The following PAAF1 variants were observed in gnomAD, a reference collection of about 807,000 sequenced individuals.
PAAF1 encodes the protein proteasomal ATPase associated factor 1.
A neutral mutation model predicts 52.8 loss-of-function variants in PAAF1; 46 were observed. The ratio of observed to expected loss-of-function variants is 0.87; its 90% CI spans 0.69 to 1.11. The LOEUF (loss-of-function observed/expected upper bound fraction) is 1.11. Ranked by LOEUF, PAAF1 falls within the 50% of genes most tolerant of loss-of-function variation. The pLI is 0.00. For synonymous variants in PAAF1, 178 were observed against 172.8 expected (o/e 1.03, Z -0.24); for missense variants, 424 against 477.4 (o/e 0.89, Z 1.04).
intron 7 of PAAF1, among the ~76,000 whole-genome samples, chr11:73,910,989 CAAAA>C (rs59523527): frequency 1.4e-5 from 1 of 69,484 alleles, no homozygotes; most frequent in Non-Finnish European, 3.0e-5. Context: ...GACTCTGTCT[CAAAA>C]AAAAAAAAAA....
chr11:73,906,883 G>T (rs1045923709), intron 6 of PAAF1, among the ~76,000 whole-genome samples: 11 of 152,190 alleles, frequency 7.2e-5, no homozygotes, highest in African/African-American at 1.7e-4. Flanking sequence ...TGTGACTTTT[G>T]GTCAGTTACT....
chr11:73,887,430 A>G lies in PAAF1; in HGVS notation c.165A>G (p.Glu55=), dbSNP rs749181405. ...GCATCCCAGAGGTTACAGCTTCAGA[A>G]GGATTTACTGTGAATGAAATAAACA... is the stretch of plus-strand genomic sequence containing the variant. The part of the protein sequence containing the change: ...LDGIPEVTAS[E]GFTVNEINKK... The change falls in exon 3 of 12, where the codon GAA becomes GAG. Residue 55 remains glutamate (E), a synonymous_variant. Transcript: ENST00000310571. The G allele has an allele frequency of 3.1e-6, 5 of 1,608,884 alleles. No individual in the cohort carries two copies. The highest frequency in any genetic ancestry group is 4.2e-6 in the Non-Finnish European group (5 of 1,178,424).
In PAAF1 at chr11:73,922,952, A is replaced by G. The variant is rs115766317; in HGVS notation, c.1019-1663A>G. Among the ~76,000 whole-genome samples the G allele has an allele frequency of 1.9e-3, 295 of 152,332 alleles. 1 individual carries two copies. The highest frequency in any genetic ancestry group is 6.9e-3 in the African/African-American group (286 of 41,584). ...CAAAATTTTTTGATGCAAATTGCCA[A>G]ACATATCTAAAAGTAGACAGAATGG... On this transcript the variant is annotated intron_variant, in intron 10 of 11. Coordinates refer to ENST00000310571, the MANE Select transcript of PAAF1 (RefSeq NM_025155.3).
chr11:73,884,265 T>A (rs1948998478), intron 2 of PAAF1, among the ~76,000 whole-genome samples: 1 of 152,054 alleles, frequency 6.6e-6, no homozygotes, highest in Non-Finnish European at 1.5e-5. Flanking sequence ...TTTGGGAGGC[T>A]GAGGCAGAAG....
chr11:73,896,444 G>T (rs979300292), intron 4 of PAAF1, among the ~76,000 whole-genome samples: 4 of 150,870 alleles, frequency 2.7e-5, no homozygotes, highest in Non-Finnish European at 1.5e-5. Context: ...AGGACCCTGC[G>T]GCCTTCCGCA....
chr11:73,888,771 G>A (rs1242452510), intron 3 of PAAF1: 1 of 286,676 alleles, frequency 3.5e-6, no homozygotes, highest in East Asian at 5.9e-5. Context: ...CTAAGTCTTA[G>A]TTAACTCTGA....
chr11:73,884,617 C>G (rs1382767587), intron 2 of PAAF1, among the ~76,000 whole-genome samples: 2 of 152,176 alleles, frequency 1.3e-5, no homozygotes, highest in African/African-American at 4.8e-5. Context: ...AATAGGGAAT[C>G]ATGGAGTGGG....
chr11:73,897,263 G>C (rs1466710519), intron 4 of PAAF1, among the ~76,000 whole-genome samples: 7 of 150,402 alleles, frequency 4.7e-5, no homozygotes, highest in African/African-American at 1.7e-4. Context: ...CCCGGACGGG[G>C]CGGCTGGCCG....
At chr11:73,890,065 T>C (rs962714609) in intron 3 of PAAF1, among the ~76,000 whole-genome samples, 2 of 152,186 alleles carry the variant, frequency 1.3e-5, no homozygotes, top group Non-Finnish European at 2.9e-5. Flanking sequence ...TTGAAGACAT[T>C]TTCATTGTCC....
intron 10 of PAAF1, among the ~76,000 whole-genome samples, chr11:73,919,482 A>G (rs1488890397): frequency 6.6e-6 from 1 of 152,210 alleles, no homozygotes; most frequent in Non-Finnish European, 1.5e-5. Flanking sequence ...CTGGAGATGT[A>G]AAGAGGGACA....
intron 6 of PAAF1, among the ~76,000 whole-genome samples, chr11:73,906,211 C>A (rs1949747272): frequency 6.6e-6 from 1 of 152,122 alleles, no homozygotes; most frequent in South Asian, 2.1e-4. Context: ...ATTACATTTA[C>A]CTAACAACCG....
chr11:73,897,176 G>A, intron 4 of PAAF1, among the ~76,000 whole-genome samples: 1 of 137,282 alleles, frequency 7.3e-6, no homozygotes. Context: ...GGCTGGCCGT[G>A]CGGGGGGCTG....
In PAAF1 at chr11:73,877,014, G is replaced by T. The variant is rs1948758750; in HGVS notation, c.-8G>T. 1.3e-6 allele frequency: 2 copies of T among 1,533,056 alleles called. No individual in the cohort carries two copies. Among genetic ancestry groups the T allele is most frequent in the Non-Finnish European group, 1.8e-6 (2 of 1,137,482 alleles). The allele number at this position is 1,533,056 out of a possible 1,614,324, so 95.0% of individuals were successfully genotyped here. ...CGGAAGAGGTGGGCTGGTGGAGGCG[G>T]GGTCGAGATGGCGGCGCCTTTGAGG... On this transcript the variant is annotated 5_prime_UTR_variant, in exon 1 of 12. Transcript: ENST00000310571.
At chr11:73,900,552 C>T (rs1018936517) in intron 6 of PAAF1, 132 bp downstream of exon 6, 7 of 1,026,942 alleles carry the variant, frequency 6.8e-6, no homozygotes, top group African/African-American at 1.6e-5. Flanking sequence ...GATGAGCTGC[C>T]ATTTCCCTAA....
At chr11:73,897,469 G>A (rs1949438375) in intron 4 of PAAF1, among the ~76,000 whole-genome samples, 1 of 151,072 alleles carries the variant, frequency 6.6e-6, no homozygotes, top group Admixed American at 6.6e-5. Context: ...CTTCTCAGAC[G>A]GGGCGGCCGG....
chr11:73,915,320 C>G (rs141902974), intron 8 of PAAF1, among the ~76,000 whole-genome samples: 1 of 152,316 alleles, frequency 6.6e-6, no homozygotes, highest in Admixed American at 6.5e-5. Context: ...AAAGAACTCA[C>G]GCCCACTGGG....
chr11:73,919,769 A>G lies in PAAF1; in HGVS notation c.1018+737A>G, dbSNP rs117372893. 3.9e-5 allele frequency among the ~76,000 whole-genome samples: 6 copies of G among 152,342 alleles called. No individual in the cohort carries two copies. The East Asian group carries it at 1.2e-3, about 29-fold the overall frequency. On this transcript the variant is annotated intron_variant, in intron 10 of 11. Transcript: ENST00000310571. ...TGATGTAGGTCAGGAGGACTGGACT[A>G]TACAGCCTGGAGGGACTACCTACCT...
intron 9 of PAAF1, among the ~76,000 whole-genome samples, chr11:73,917,195 A>G (rs1238142485): frequency 1.3e-5 from 2 of 151,770 alleles, no homozygotes; most frequent in African/African-American, 2.4e-5. Flanking sequence ...TAATTTTTGT[A>G]TATTTAGTAG....
chr11:73,914,326 C>A, intron 7 of PAAF1, 87 bp from the exon 8 acceptor site: 2 of 1,062,350 alleles, frequency 1.9e-6, no homozygotes, highest in Admixed American at 1.9e-5. Context: ...CTAACAAAAT[C>A]AGTAATCAAC....
Sources: allele counts gnomAD v4.1 joint callset (sites outside exome capture counted in the v4.1 genomes callset), GRCh38; gene constraint gnomAD v4.1.1; transcripts MANE v1.5; gene names NCBI Gene and HGNC (gene_info 2026-07-23, HGNC 2026-07-21).